Variants in POLR3H observed in about 807,000 individuals in gnomAD.
POLR3H encodes DNA-directed RNA polymerase III subunit RPC8.
POLR3H carries 17 observed loss-of-function variants against 25.5 expected under a neutral mutation model. The ratio of observed to expected loss-of-function variants is 0.67; its 90% CI spans 0.46 to 1.00. The LOEUF (loss-of-function observed/expected upper bound fraction) is 1.00, where lower values mean the gene tolerates loss of function less well. Among genes scored for constraint, POLR3H ranks in the 50% least tolerant of loss-of-function variants. The pLI, the probability that POLR3H is intolerant of heterozygous loss-of-function variation, is 0.00. For synonymous variants in POLR3H, 129 were observed against 103.0 expected, an observed-to-expected ratio of 1.25 and a Z score of -1.53; for missense variants, 274 against 265.0, an observed-to-expected ratio of 1.03 and a Z score of -0.24.
rs1467050044 is a variant in POLR3H at position 41,527,891 on chromosome 22, T to A, written c.*1392A>T. ...AGGCCCCCGATGACCGAATGCCGCC[T>A]GCTTTCCAGAGACCAACCTGAAGAA... On this transcript the variant is annotated 3_prime_UTR_variant, in exon 6 of 6. Coordinates refer to ENST00000355209, the MANE Select transcript of POLR3H (RefSeq NM_001018050.4). 1 of 1,614,146 alleles carries A rather than the reference T, an allele frequency of 6.2e-7. No individual in the cohort carries two copies. Among genetic ancestry groups the A allele is most frequent in the Admixed American group, 1.7e-5 (1 of 60,028 alleles).
At position 41,528,871 on chromosome 22, in the gene POLR3H, A is replaced by C; in HGVS notation, c.*412T>G. ...TGCAACTGTATTTATTTTTGATGAC[A>C]AGACTCCCATCTAAAGTTTTTCTCC... On this transcript the variant is annotated 3_prime_UTR_variant, in exon 6 of 6. Coordinates refer to ENST00000355209, the MANE Select transcript of POLR3H (RefSeq NM_001018050.4). The C allele has an allele frequency of 1.9e-6, 1 of 529,132 alleles. No individual in the cohort carries two copies. Among genetic ancestry groups the C allele is most frequent in the South Asian group, 2.6e-5 (1 of 38,336 alleles). The allele number at this position is 529,132 out of a possible 1,614,324, so 32.8% of individuals were successfully genotyped here. A position where few individuals can be genotyped will look rare whatever the true frequency, so the allele number is the denominator to read the frequency against.
chr22:41,543,262 T>C (rs532988986), intron 1 of POLR3H, among the ~76,000 whole-genome samples: 5 of 152,056 alleles, frequency 3.3e-5, no homozygotes, highest in Non-Finnish European at 5.9e-5. Flanking sequence ...CGCACAAATA[T>C]TGGCTGCTGG....
In POLR3H at chr22:41,526,908, G is replaced by A; in HGVS notation, c.*2375C>T. On this transcript the variant is annotated 3_prime_UTR_variant, in exon 6 of 6. Transcript: ENST00000355209. Reference sequence around the variant, plus strand: ...AGGACTCTGGCACCCCCTGGTGGCTGGGTGGGGCAGAGGGTGCTCCCAGGA... The same window carrying A: ...AGGACTCTGGCACCCCCTGGTGGCTAGGTGGGGCAGAGGGTGCTCCCAGGA... 2.9e-6 allele frequency: 1 copy of A among 341,402 alleles called. No individual in the cohort carries two copies. The highest frequency in any genetic ancestry group is 3.6e-5 in the South Asian group (1 of 27,438). 21.1% of individuals were successfully genotyped at this position (341,402 alleles called of 1,614,324 possible).
chr22:41,534,892 CAA>C (rs56179192), intron 2 of POLR3H, among the ~76,000 whole-genome samples: 25,383 of 125,928 alleles, frequency 0.2, 2,749 homozygotes, highest in Admixed American at 0.37. Flanking sequence ...GAAACTCTGT[CAA>C]AAAAAAAAAA....
In POLR3H at chr22:41,527,104, TG is replaced by T. The variant is rs1473068025; in HGVS notation, c.*2178del. The stretch of plus-strand genomic sequence containing the variant: ...GCCTCTGTCCCCTCGGGGCCTCGTT[TG>T]GGTCTCATTCACGCAGGCTTCACTT... On this transcript the variant is annotated 3_prime_UTR_variant, in exon 6 of 6. Coordinates refer to ENST00000355209, the MANE Select transcript of POLR3H (RefSeq NM_001018050.4). The T allele has an allele frequency of 1.2e-6, 1 of 828,846 alleles. No homozygotes were observed. The highest frequency in any genetic ancestry group is 1.7e-5 in the African/African-American group (1 of 57,988). The allele number at this position is 828,846 out of a possible 1,614,324, so 51.3% of individuals were successfully genotyped here.
rs140147006 is a variant in POLR3H, at chr22:41,526,122, C to T, written c.*3161G>A. 20 of 687,354 alleles carry T rather than the reference C, an allele frequency of 2.9e-5. No individual in the cohort carries two copies. The highest frequency in any genetic ancestry group is 2.5e-4 in the East Asian group (9 of 36,652). The allele number at this position is 687,354 out of a possible 1,614,324, so 42.6% of individuals were successfully genotyped here. A position where few individuals can be genotyped will look rare whatever the true frequency, so the allele number is the denominator to read the frequency against. On this transcript the variant is annotated 3_prime_UTR_variant, in exon 6 of 6. Coordinates refer to ENST00000355209, the MANE Select transcript of POLR3H (RefSeq NM_001018050.4). The stretch of plus-strand genomic sequence containing the variant: ...GTGGAAGCACCAGGACCACAGAACA[C>T]GTGTCTGAAGACTTGCCTGCCTCTC...
In POLR3H at chr22:41,528,191, G is replaced by A; in HGVS notation, c.*1092C>T. ...AAAGCAAAGTGGCTTCTCAGAGTTG[G>A]GGGTTGGAGTCAACCCGGGGCCCTC... is the stretch of plus-strand genomic sequence containing the variant. On this transcript the variant is annotated 3_prime_UTR_variant, in exon 6 of 6. Coordinates refer to ENST00000355209, the MANE Select transcript of POLR3H (RefSeq NM_001018050.4). The A allele has an allele frequency of 9.0e-7, 1 of 1,110,430 alleles. No homozygotes were observed. 68.8% of individuals were successfully genotyped at this position (1,110,430 alleles called of 1,614,324 possible).
rs1326756266 is a variant in POLR3H, at chr22:41,527,725, C to G, written c.*1558G>C. 1 of 1,064,804 alleles carries G rather than the reference C, an allele frequency of 9.4e-7. No individual in the cohort carries two copies. The highest frequency in any genetic ancestry group is 1.6e-5 in the African/African-American group (1 of 62,720). The allele number at this position is 1,064,804 out of a possible 1,614,324, so 66.0% of individuals were successfully genotyped here. A position where few individuals can be genotyped will look rare whatever the true frequency, so the allele number is the denominator to read the frequency against. The stretch of plus-strand genomic sequence containing the variant: ...CCTCGCAGACCTCAGCACCAGCGCA[C>G]ACTTGCTAGGGGCACCCCTAGTGAA... On this transcript the variant is annotated 3_prime_UTR_variant, in exon 6 of 6. Transcript: ENST00000355209.
At chr22:41,534,357 C>T (rs2066804329) in intron 2 of POLR3H, among the ~76,000 whole-genome samples, 1 of 152,156 alleles carries the variant, frequency 6.6e-6, no homozygotes, top group Non-Finnish European at 1.5e-5. Flanking sequence ...TGCAGCCTTA[C>T]AAAGGAAGGA....
chr22:41,527,163 C>CGGG lies in POLR3H; in HGVS notation c.*2119_*2120insCCC. 1 of 1,440,678 alleles carries CGGG rather than the reference C, an allele frequency of 6.9e-7. No homozygotes were observed. The highest frequency in any genetic ancestry group is 9.6e-7 in the Non-Finnish European group (1 of 1,044,032). 89.2% of individuals were successfully genotyped at this position (1,440,678 alleles called of 1,614,324 possible). On this transcript the variant is annotated 3_prime_UTR_variant, in exon 6 of 6. Transcript: ENST00000355209. Reference sequence around the variant, plus strand: ...GGCAGCAGGCGAGGAAGGGCCCCTCCAGCCCCTTTACCGGGAGCCTCAGGA... The same window carrying CGGG: ...GGCAGCAGGCGAGGAAGGGCCCCTCCGGGAGCCCCTTTACCGGGAGCCTCAGGA...
chr22:41,534,037 C>T (rs1439228112), intron 2 of POLR3H, among the ~76,000 whole-genome samples: 2 of 152,124 alleles, frequency 1.3e-5, no homozygotes, highest in African/African-American at 2.4e-5. Context: ...ACTCAGGAGG[C>T]TGAGGCAGGA....
At chr22:41,537,659 C>A (rs2066870076) in intron 2 of POLR3H, among the ~76,000 whole-genome samples, 3 of 152,184 alleles carry the variant, frequency 2.0e-5, no homozygotes, top group African/African-American at 7.2e-5. Flanking sequence ...ATCCAGGAGA[C>A]CAGAGCCAGA....
At chr22:41,538,496 G>A (rs1351123219) in intron 2 of POLR3H, among the ~76,000 whole-genome samples, 3 of 152,046 alleles carry the variant, frequency 2.0e-5, no homozygotes, top group Non-Finnish European at 4.4e-5. Context: ...CTGACCTCAG[G>A]TGATGCACCC....
chr22:41,535,712 G>A (rs1178593240), intron 2 of POLR3H, among the ~76,000 whole-genome samples: 1 of 152,164 alleles, frequency 6.6e-6, no homozygotes, highest in African/African-American at 2.4e-5. Flanking sequence ...TGTGGCTCAC[G>A]CCTGTAATCC....
chr22:41,526,493 C>A lies in POLR3H; in HGVS notation c.*2790G>T, dbSNP rs775360783. ...ATAGGGGCAATGCCAGTGGTCACTC[C>A]TGAAGGGGCCTGCAAGGCAGGTGCA... On this transcript the variant is annotated 3_prime_UTR_variant, in exon 6 of 6. Transcript: ENST00000355209. 6.3e-7 allele frequency: 1 copy of A among 1,578,646 alleles called. No homozygotes were observed. The highest frequency in any genetic ancestry group is 2.3e-5 in the East Asian group (1 of 44,388).
chr22:41,536,885 A>G (rs1173062034), intron 2 of POLR3H, among the ~76,000 whole-genome samples: 2 of 150,424 alleles, frequency 1.3e-5, no homozygotes, highest in Non-Finnish European at 3.0e-5. Flanking sequence ...AAAAAAAAAA[A>G]GGCTTTAAAA....
intron 1 of POLR3H, among the ~76,000 whole-genome samples, chr22:41,543,565 G>A (rs2066966582): frequency 6.6e-6 from 1 of 152,124 alleles, no homozygotes; most frequent in South Asian, 2.1e-4. Flanking sequence ...AGGTTGCAGT[G>A]AGCCGAGATC....
rs760073057 is a variant in POLR3H at position 41,527,320 on chromosome 22, C to T, written c.*1963G>A. The T allele has an allele frequency of 5.1e-5, 82 of 1,614,130 alleles. No individual in the cohort carries two copies. The highest frequency in any genetic ancestry group is 5.0e-4 in the Middle Eastern group (3 of 6,060). ...GCATCAGGTGGGTGGTGATCGGAGA[C>T]GAGAACTACGGCGAGGGCTCGAGCC... On this transcript the variant is annotated 3_prime_UTR_variant, in exon 6 of 6. Coordinates refer to ENST00000355209, the MANE Select transcript of POLR3H (RefSeq NM_001018050.4).
rs374713284 is a variant in POLR3H, at chr22:41,534,856, T to G, written c.209-2111A>C. 7.3e-5 allele frequency among the ~76,000 whole-genome samples: 11 copies of G among 149,784 alleles called. No homozygotes were observed. The South Asian group carries it at 1.7e-3, about 23-fold the overall frequency. ...TTACAGTGAGCTGAGACTGCGCCAT[T>G]GCACTCCAGCCTGGGCAACAAGAGT... On this transcript the variant is annotated intron_variant, in intron 2 of 5. Coordinates refer to ENST00000355209, the MANE Select transcript of POLR3H (RefSeq NM_001018050.4).
Sources: allele counts gnomAD v4.1 joint callset (sites outside exome capture counted in the v4.1 genomes callset), GRCh38; gene constraint gnomAD v4.1.1; transcripts MANE v1.5; gene names NCBI Gene and HGNC (gene_info 2026-07-23, HGNC 2026-07-21).